Variants in ZNF514 observed in about 807,000 individuals in gnomAD.
ZNF514 encodes the protein zinc finger protein 514.
In ZNF514, 12 loss-of-function variants were observed where a neutral mutation model predicts 9.7. The ratio of observed to expected loss-of-function variants is 1.24; its 90% CI spans 0.79 to 2.01. The LOEUF (loss-of-function observed/expected upper bound fraction) is 2.01, where lower values mean the gene tolerates loss of function less well. Among genes scored for constraint, ZNF514 ranks in the 30% most tolerant of loss-of-function variants. The pLI, the probability that ZNF514 is intolerant of heterozygous loss-of-function variation, is 0.00. For synonymous variants in ZNF514, 158 were observed against 163.7 expected, an observed-to-expected ratio of 0.97 and a Z score of 0.27; for missense variants, 467 against 465.5, an observed-to-expected ratio of 1.00 and a Z score of -0.03.
chr2:95,138,268 G>C, the ZNF514 span, among the ~76,000 whole-genome samples: 1 of 152,234 alleles, frequency 6.6e-6, no homozygotes, highest in Non-Finnish European at 1.5e-5. Flanking sequence ...CTGGGTAACA[G>C]CGAGAGGGTG....
chr2:95,125,893 C>T, the ZNF514 span, among the ~76,000 whole-genome samples: 4 of 152,188 alleles, frequency 2.6e-5, no homozygotes. Flanking sequence ...CACCTTTTGG[C>T]TATTGTGAAT....
Position 95,150,196 on chromosome 2 carries a change from C to G in ZNF514, c.289G>C (p.Val97Leu). 1 of 1,607,078 alleles carries G rather than the reference C, an allele frequency of 6.2e-7. No individual in the cohort carries two copies. The highest frequency in any genetic ancestry group is 8.5e-7 in the Non-Finnish European group (1 of 1,179,520). Residue 97 changes from valine (V) to leucine (L), a missense_variant, in exon 5 of 5, where the codon GTA becomes CTA. Coordinates refer to ENST00000295208, the MANE Select transcript of ZNF514 (RefSeq NM_032788.3). ...TGAATGTGTTTTTCCACTGATACTA[C>G]CTGGAATAATTCTTCTTTGGAAATT... ...WGISKEELFQ[V>L]VSVEKHIQDV...
chr2:95,136,042 G>A, the ZNF514 span, among the ~76,000 whole-genome samples: 6 of 152,056 alleles, frequency 3.9e-5, no homozygotes, highest in East Asian at 2.0e-4. Context: ...CTAGCCTGGC[G>A]ACAGAGCGAG....
At chr2:95,134,828 C>A in the ZNF514 span, among the ~76,000 whole-genome samples, 1 of 152,206 alleles carries the variant, frequency 6.6e-6, no homozygotes, top group African/African-American at 2.4e-5. Context: ...GGTGTCCCAG[C>A]ACCATTTGTT....
At chr2:95,158,295 G>A (rs1172733903) in intron 1 of ZNF514, among the ~76,000 whole-genome samples, 1 of 152,152 alleles carries the variant, frequency 6.6e-6, no homozygotes, top group African/African-American at 2.4e-5. Flanking sequence ...AAAAAAGAGG[G>A]GGTGGGAAGC....
chr2:95,140,946 G>C (rs528409675), downstream of ZNF514, among the ~76,000 whole-genome samples: 6 of 151,780 alleles, frequency 4.0e-5, no homozygotes, highest in South Asian at 2.1e-4. Context: ...CTGCACTCCA[G>C]CTTGGGCAAC....
chr2:95,134,899 A>G, the ZNF514 span, among the ~76,000 whole-genome samples: 1 of 152,216 alleles, frequency 6.6e-6, no homozygotes, highest in Non-Finnish European at 1.5e-5. Context: ...TTAGTTGACC[A>G]TAGACACATA....
chr2:95,158,970 G>A (rs1217264070), intron 1 of ZNF514: 5 of 1,288,834 alleles, frequency 3.9e-6, no homozygotes, highest in Non-Finnish European at 5.1e-6. Flanking sequence ...CAAACCTGAT[G>A]CTGTGGAGTC....
At chr2:95,129,314 A>G in the ZNF514 span, among the ~76,000 whole-genome samples, 1 of 152,200 alleles carries the variant, frequency 6.6e-6, no homozygotes, top group Admixed American at 6.5e-5. Context: ...CTCAATAAGA[A>G]CAAAAGAGTC....
intron 4 of ZNF514, among the ~76,000 whole-genome samples, chr2:95,151,997 G>T (rs1329924100): frequency 2.0e-5 from 3 of 152,164 alleles, no homozygotes; most frequent in Admixed American, 6.5e-5. Flanking sequence ...CTGGCCACAG[G>T]TAAGGTTCTG....
intron 2 of ZNF514, among the ~76,000 whole-genome samples, chr2:95,156,585 T>C (rs1673692824): frequency 1.3e-5 from 2 of 152,342 alleles, no homozygotes; most frequent in Admixed American, 1.3e-4. Context: ...TTTATGGGAA[T>C]GTTTTAGAGA....
At chr2:95,133,472 A>G in the ZNF514 span, among the ~76,000 whole-genome samples, 1 of 152,216 alleles carries the variant, frequency 6.6e-6, no homozygotes. Flanking sequence ...GGGTGGCAGC[A>G]GGAGGGAAGT....
At chr2:95,125,036 T>C in the ZNF514 span, among the ~76,000 whole-genome samples, 1 of 149,740 alleles carries the variant, frequency 6.7e-6, no homozygotes, top group Non-Finnish European at 1.5e-5. Context: ...TGTGCCACCA[T>C]GCCCAGCTAA....
rs1161907897 is a variant in ZNF514 at position 95,150,003 on chromosome 2, C to T, written c.482G>A (p.Gly161Asp). 6.2e-7 allele frequency: 1 copy of T among 1,614,048 alleles called. No individual in the cohort carries two copies. Among genetic ancestry groups the T allele is most frequent in the Non-Finnish European group, 8.5e-7 (1 of 1,180,040 alleles). The change falls in exon 5 of 5, where the codon GGT becomes GAT. Residue 161 changes from glycine to aspartate, a missense_variant. Transcript: ENST00000295208. Reference sequence around the variant, plus strand: ...TTGGTTAACAAGGACTGATCTTAAACCTAAGCTTCTCCCAAATCCATTCCA... The same window carrying T: ...TTGGTTAACAAGGACTGATCTTAAATCTAAGCTTCTCCCAAATCCATTCCA... ...YKWNGFGRSL[G>D]LRSVLVNQHS...
chr2:95,136,636 A>G, the ZNF514 span, among the ~76,000 whole-genome samples: 2 of 152,028 alleles, frequency 1.3e-5, no homozygotes, highest in African/African-American at 2.4e-5. Flanking sequence ...AAAAAAAAAA[A>G]AGAGGGAACT....
chr2:95,139,144 A>G, the ZNF514 span, among the ~76,000 whole-genome samples: 1 of 152,266 alleles, frequency 6.6e-6, no homozygotes, highest in Non-Finnish European at 1.5e-5. Flanking sequence ...CAGAGTCTGT[A>G]TGAGAAAGAC....
In ZNF514 at chr2:95,145,057, A is replaced by G. The variant is rs1673324963; in HGVS notation, c.*4225T>C. Among the ~76,000 whole-genome samples, 1 of 152,232 alleles carries G rather than the reference A, an allele frequency of 6.6e-6. No individual in the cohort carries two copies. The highest frequency in any genetic ancestry group is 1.5e-5 in the Non-Finnish European group (1 of 68,040). Reference sequence around the variant, plus strand: ...GTCTTCTAGAAAGAAGGCTTTTCATATAGTACAAAAACATGCAGTCGGAAG... The same window carrying G: ...GTCTTCTAGAAAGAAGGCTTTTCATGTAGTACAAAAACATGCAGTCGGAAG... On this transcript the variant is annotated 3_prime_UTR_variant, in exon 5 of 5. Coordinates refer to ENST00000295208, the MANE Select transcript of ZNF514 (RefSeq NM_032788.3).
chr2:95,159,608 A>AGCCCCCGCCC lies in ZNF514; in HGVS notation c.-474_-465dup. The AGCCCCCGCCC allele has an allele frequency of 1.9e-5, 1 of 52,732 alleles. No homozygotes were observed. The highest frequency in any genetic ancestry group is 5.9e-4 in the East Asian group (1 of 1,700). 3.3% of individuals were successfully genotyped at this position (52,732 alleles called of 1,614,324 possible). ...CAGGCCCCGCCCGCCACCCCGCGCC[A>AGCCCCCGCCC]GCCCCCGCCCGCCACCCCGCGCCAG... is the stretch of plus-strand genomic sequence containing the variant. On this transcript the variant is annotated 5_prime_UTR_variant, in exon 1 of 5. Coordinates refer to ENST00000295208, the MANE Select transcript of ZNF514 (RefSeq NM_032788.3).
chr2:95,153,348 G>C (rs754678408), intron 2 of ZNF514, 89 bp from the exon 3 acceptor site: 11 of 1,339,012 alleles, frequency 8.2e-6, no homozygotes, highest in African/African-American at 1.4e-5. Context: ...AGGTGAATCA[G>C]GCCTACAGAG....
Sources: allele counts gnomAD v4.1 joint callset (sites outside exome capture counted in the v4.1 genomes callset), GRCh38; gene constraint gnomAD v4.1.1; transcripts MANE v1.5; gene names NCBI Gene and HGNC (gene_info 2026-07-23, HGNC 2026-07-21).